THBS2: variants seen among roughly 807,000 people sequenced by gnomAD.
THBS2 encodes thrombospondin 2.
A neutral mutation model predicts 135.2 loss-of-function variants in THBS2; 47 were observed. The ratio of observed to expected loss-of-function variants is 0.35; its 90% CI spans 0.28 to 0.44. The LOEUF (loss-of-function observed/expected upper bound fraction) is 0.44, where lower values mean the gene tolerates loss of function less well. THBS2 is among the 20% of genes least tolerant of loss of function. The probability of loss-of-function intolerance (pLI) is 1.00; values close to 1 mark genes in which losing one functional copy is unlikely to be tolerated. For synonymous variants in THBS2, 639 were observed against 633.8 expected, an observed-to-expected ratio of 1.01 and a Z score of -0.12; for missense variants, 1,288 against 1,603.1, an observed-to-expected ratio of 0.80 and a Z score of 3.36.
chr6:169,238,113 A>C (rs1053628367), intron 7 of THBS2, among the ~76,000 whole-genome samples: 13 of 152,242 alleles, frequency 8.5e-5, no homozygotes, highest in Non-Finnish European at 1.5e-4. Flanking sequence ...ATTTTATAAA[A>C]TAGCTTGCCA....
Position 169,226,163 on chromosome 6 carries a change from T to G in THBS2, c.2538+17A>C. 1 of 1,597,706 alleles carries G rather than the reference T, an allele frequency of 6.3e-7. No homozygotes were observed. Among genetic ancestry groups the G allele is most frequent in the Non-Finnish European group, 8.6e-7 (1 of 1,167,944 alleles). On this transcript the variant is annotated intron_variant, in intron 16 of 21. Coordinates refer to ENST00000617924, the MANE Select transcript of THBS2 (RefSeq NM_003247.5). The stretch of plus-strand genomic sequence containing the variant: ...TGATGAGGACCTCCAACCCCGCCTG[T>G]CTGCGGCTGCCCTCACCTGGTCAGG...
In THBS2 at chr6:169,234,759, C is replaced by T. The variant is rs1374652339; in HGVS notation, c.1626G>A (p.Met542Ile). The change falls in exon 10 of 22, where the codon ATG (methionine) becomes ATA (isoleucine). Residue 542 changes from methionine to isoleucine, a missense_variant. Met to Ile is a conservative substitution (Grantham distance 10). Coordinates refer to ENST00000617924, the MANE Select transcript of THBS2 (RefSeq NM_003247.5). ...ACVGDVQERQ[M>I]CNKRSCPVDG... ...CCACGGGGCAGCTCCTCTTGTTGCACATCTGACGCTCCTGCACATCCCCCA... is the reference window on the plus strand; with the variant it reads ...CCACGGGGCAGCTCCTCTTGTTGCATATCTGACGCTCCTGCACATCCCCCA... The T allele has an allele frequency of 6.3e-7, 1 of 1,594,624 alleles. No individual in the cohort carries two copies. Among genetic ancestry groups the T allele is most frequent in the Non-Finnish European group, 8.6e-7 (1 of 1,166,226 alleles).
At position 169,215,854 on chromosome 6, in the gene THBS2, G is replaced by C. The variant is rs968541990; in HGVS notation, c.*1968C>G. 3.3e-5 allele frequency: 5 copies of C among 152,470 alleles called. No homozygotes were observed. Among genetic ancestry groups the C allele is most frequent in the Non-Finnish European group, 5.9e-5 (4 of 68,030 alleles). 9.4% of individuals were successfully genotyped at this position (152,470 alleles called of 1,614,324 possible). On this transcript the variant is annotated 3_prime_UTR_variant, in exon 22 of 22. Coordinates refer to ENST00000617924, the MANE Select transcript of THBS2 (RefSeq NM_003247.5). ...AAAAATGAGGTTCTAGCTAAGTGCA[G>C]GGTTTCAGTGGTGAAATTTTGACCA...
chr6:169,249,114 A>G, intron 2 of THBS2, 141 bp from the exon 3 acceptor site: 1 of 835,872 alleles, frequency 1.2e-6, no homozygotes, highest in African/African-American at 1.7e-5. Context: ...TCCCTTTTTT[A>G]TGGGAATCCT....
rs1232745727 is a variant in THBS2 at position 169,241,082 on chromosome 6, C to A, written c.892-490G>T. Among the ~76,000 whole-genome samples, 1 of 151,878 alleles carries A rather than the reference C, an allele frequency of 6.6e-6. No individual in the cohort carries two copies. Among genetic ancestry groups the A allele is most frequent in the Non-Finnish European group, 1.5e-5 (1 of 67,910 alleles). ...TGCCCCGGACTCCTGCCCCTGCCGC[C>A]CTCCCTGCCCTGGGCTCCATCTCCT... On this transcript the variant is annotated intron_variant, in intron 5 of 21. Transcript: ENST00000617924. This position sits in a 1 kb window ranked among gnomAD's most constrained non-coding sequence, Gnocchi z 5.5.
intron 19 of THBS2, 90 bp from the exon 20 acceptor site, chr6:169,221,617 C>T: frequency 1.8e-6 from 2 of 1,138,024 alleles, no homozygotes; most frequent in Non-Finnish European, 2.6e-6. Context: ...AAAAACATGA[C>T]TTTGCAAGTT....
intron 4 of THBS2, among the ~76,000 whole-genome samples, chr6:169,242,838 ACCTTCC>A (rs1482293047): frequency 1.8e-5 from 1 of 55,162 alleles, no homozygotes; most frequent in African/African-American, 8.1e-5. Context: ...CCACCTTCCC[ACCTTCC>A]CACTGCTCCC....
At chr6:169,219,091 G>GTGGA (rs567184891) in intron 21 of THBS2, among the ~76,000 whole-genome samples, 2 of 148,906 alleles carry the variant, frequency 1.3e-5, no homozygotes, top group African/African-American at 2.5e-5. Flanking sequence ...GTATTGATAG[G>GTGGA]TGGATGGATG....
chr6:169,240,418 C>G, intron 6 of THBS2, 34 bp downstream of exon 6: 1 of 1,607,586 alleles, frequency 6.2e-7, no homozygotes, highest in Non-Finnish European at 8.5e-7. Context: ...CGATGGTGGC[C>G]TCTTCCCCCA....
chr6:169,226,106 T>C, intron 16 of THBS2, 74 bp downstream of exon 16: 1 of 1,452,026 alleles, frequency 6.9e-7, no homozygotes. Flanking sequence ...GTCACAGTGA[T>C]CCCCCACACC....
Position 169,220,149 on chromosome 6 carries a change from T to C in THBS2, c.3511+49A>G, listed in dbSNP as rs141739213. 3.8e-4 allele frequency: 604 copies of C among 1,594,250 alleles called. 4 individuals carry two copies. In the African/African-American group the frequency reaches 6.5e-3, roughly 17 times the overall value. On this transcript the variant is annotated intron_variant, in intron 21 of 21. Transcript: ENST00000617924. ...GAGCGCACTGTGTACCCCTTTCCCT[T>C]TCTGGGTGCCACATGCCTTCCCCAC...
At chr6:169,242,545 C>T (rs912699550) in intron 4 of THBS2, among the ~76,000 whole-genome samples, 1 of 151,400 alleles carries the variant, frequency 6.6e-6, no homozygotes, top group African/African-American at 2.4e-5. Flanking sequence ...CCTGGCCTTC[C>T]CACCTTCCCA....
At position 169,225,328 on chromosome 6, in the gene THBS2, T is replaced by C. The variant is rs1239424821; in HGVS notation, c.2590A>G (p.Ile864Val). Residue 864 changes from isoleucine (I) to valine (V), a missense_variant, in exon 17 of 22, where the codon ATA becomes GTA. By Grantham distance (29) the Ile-to-Val change is conservative. Coordinates refer to ENST00000617924, the MANE Select transcript of THBS2 (RefSeq NM_003247.5). Reference protein sequence around the residue: ...VGDQCDNNEDIDDDGHQNNQD... With the variant: ...VGDQCDNNEDVDDDGHQNNQD... ...TTGTTCTGGTGGCCGTCGTCATCTA[T>C]GTCCTCGTTGTTGTCACACTGGTCC... 1.3e-6 allele frequency: 2 copies of C among 1,569,024 alleles called. No homozygotes were observed. The highest frequency in any genetic ancestry group is 3.8e-5 in the Admixed American group (2 of 52,416).
At chr6:169,242,757 CCTTCCCAT>C (rs1780379118) in intron 4 of THBS2, among the ~76,000 whole-genome samples, 1 of 144,624 alleles carries the variant, frequency 6.9e-6, no homozygotes, top group Non-Finnish European at 1.5e-5. Context: ...CACCTTCCCA[CCTTCCCAT>C]CTTCCCATCT....
At chr6:169,219,718 T>C (rs937557716) in intron 21 of THBS2, 4 of 500,302 alleles carry the variant, frequency 8.0e-6, no homozygotes, top group Non-Finnish European at 1.6e-5. Context: ...GGAAGGGTAA[T>C]GCGCATTTGA....
Position 169,223,425 on chromosome 6 carries a change from G to T in THBS2, c.2824C>A (p.Pro942Thr). ...TCAGGACACACATCATCAATATCTGGGATGTTGTCATTGTCAAAATCATCT... is the reference window on the plus strand; with the variant it reads ...TCAGGACACACATCATCAATATCTGTGATGTTGTCATTGTCAAAATCATCT... The part of the protein sequence containing the change: ...CKDDFDNDNI[P>T]DIDDVCPENN... The change falls in exon 18 of 22, where the codon CCA becomes ACA. Residue 942 changes from proline to threonine, a missense_variant. Around this residue, in one of 2 missense-constraint regions of THBS2, gnomAD observed 874 missense variants for 1,156.1 expected, o/e 0.76. Transcript: ENST00000617924. 6.2e-7 allele frequency: 1 copy of T among 1,614,042 alleles called. No individual in the cohort carries two copies. Among genetic ancestry groups the T allele is most frequent in the Non-Finnish European group, 8.5e-7 (1 of 1,180,016 alleles).
At chr6:169,251,781 G>A (rs1455805594) in intron 1 of THBS2, among the ~76,000 whole-genome samples, 2 of 152,206 alleles carry the variant, frequency 1.3e-5, no homozygotes, top group East Asian at 1.9e-4. Context: ...CTCAGAAGAA[G>A]AGAAATGCTT....
intron 20 of THBS2, among the ~76,000 whole-genome samples, chr6:169,220,666 G>A (rs1340692533): frequency 1.3e-5 from 2 of 152,148 alleles, no homozygotes; most frequent in Non-Finnish European, 2.9e-5. Flanking sequence ...AAGATGCACC[G>A]GACTCTCCCT....
intron 14 of THBS2, 48 bp downstream of exon 14, chr6:169,229,524 C>T (rs1217004766): frequency 1.2e-5 from 18 of 1,536,390 alleles, no homozygotes; most frequent in African/African-American, 1.1e-4. Context: ...CTGTGGACCT[C>T]GCTGCTCCTG....
Sources: allele counts gnomAD v4.1 joint callset (sites outside exome capture counted in the v4.1 genomes callset), GRCh38; gene constraint gnomAD v4.1.1; regional missense constraint gnomAD v4.1.1; non-coding constraint Gnocchi (gnomAD v3.1); transcripts MANE v1.5; gene names NCBI Gene and HGNC (gene_info 2026-07-23, HGNC 2026-07-21).